MANBAL: variants seen among roughly 807,000 people sequenced by gnomAD.
The protein encoded by MANBAL is mannosidase beta like, also known as protein MANBAL.
A neutral mutation model predicts 6.4 loss-of-function variants in MANBAL; 1 was observed. The ratio of observed to expected loss-of-function variants is 0.16; its 90% CI spans 0.06 to 0.74. The LOEUF (loss-of-function observed/expected upper bound fraction) is 0.74. MANBAL is among the 30% of genes least tolerant of loss of function. The probability of loss-of-function intolerance (pLI) is 0.78; values close to 1 mark genes in which losing one functional copy is unlikely to be tolerated. For missense variants in MANBAL, 100 were observed against 107.8 expected (o/e 0.93, Z 0.32); for synonymous variants, 47 against 45.8 (o/e 1.03, Z -0.10).
At chr20:37,303,582 G>A (rs1292752449) in intron 2 of MANBAL, among the ~76,000 whole-genome samples, 1 of 152,150 alleles carries the variant, frequency 6.6e-6, no homozygotes, top group Non-Finnish European at 1.5e-5. Context: ...GAGGTCCCCA[G>A]GACCACCCCA....
intron 1 of MANBAL, among the ~76,000 whole-genome samples, chr20:37,299,483 T>TCAATTGA (rs2146799921): frequency 6.6e-6 from 1 of 152,372 alleles, no homozygotes; most frequent in South Asian, 2.1e-4. Context: ...CAATTCAAAC[T>TCAATTGA]AGCTGCGTTT....
intron 2 of MANBAL, among the ~76,000 whole-genome samples, chr20:37,306,693 A>G (rs1467196547): frequency 6.6e-6 from 1 of 152,192 alleles, no homozygotes; most frequent in Non-Finnish European, 1.5e-5. Flanking sequence ...TTAGCTGGTA[A>G]GTTTCATCTC....
intron 2 of MANBAL, among the ~76,000 whole-genome samples, chr20:37,314,948 G>C (rs1367409685): frequency 6.6e-6 from 1 of 152,238 alleles, no homozygotes; most frequent in African/African-American, 2.4e-5. Context: ...CCGGGGTTGG[G>C]AAATGAAACA....
chr20:37,291,334 C>G (rs1191875479), intron 1 of MANBAL, among the ~76,000 whole-genome samples: 1 of 152,156 alleles, frequency 6.6e-6, no homozygotes, highest in African/African-American at 2.4e-5. Context: ...TAACTCTAAT[C>G]TGTACTTTAT....
At chr20:37,299,682 TA>T (rs1161536336) in intron 1 of MANBAL, among the ~76,000 whole-genome samples, 3 of 151,976 alleles carry the variant, frequency 2.0e-5, no homozygotes, top group African/African-American at 4.8e-5. Flanking sequence ...GGTGCTGTGG[TA>T]AAGGGGGAGC....
At chr20:37,308,463 A>G (rs2069308922) in intron 2 of MANBAL, among the ~76,000 whole-genome samples, 1 of 152,202 alleles carries the variant, frequency 6.6e-6, no homozygotes, top group Non-Finnish European at 1.5e-5. Flanking sequence ...ACTGTGTTCC[A>G]GCTGCCGTCC....
At chr20:37,310,000 TC>T (rs1245357487) in intron 2 of MANBAL, among the ~76,000 whole-genome samples, 1 of 152,116 alleles carries the variant, frequency 6.6e-6, no homozygotes, top group Non-Finnish European at 1.5e-5. Context: ...TAAACATGCT[TC>T]CACCAGCCTG....
At chr20:37,305,121 A>G (rs960587512) in intron 2 of MANBAL, among the ~76,000 whole-genome samples, 6 of 152,208 alleles carry the variant, frequency 3.9e-5, no homozygotes, top group African/African-American at 1.2e-4. Flanking sequence ...GGAGATCACT[A>G]TTGGCGTTCT....
At chr20:37,292,095 G>A (rs1485116574) in intron 1 of MANBAL, among the ~76,000 whole-genome samples, 1 of 152,162 alleles carries the variant, frequency 6.6e-6, no homozygotes, top group Non-Finnish European at 1.5e-5. Flanking sequence ...GGCTTTTCCA[G>A]TGTAGAGTTA....
At chr20:37,309,148 A>C (rs188889376) in intron 2 of MANBAL, among the ~76,000 whole-genome samples, 2 of 151,800 alleles carry the variant, frequency 1.3e-5, no homozygotes, top group South Asian at 2.1e-4. Context: ...CCAGGGCTTC[A>C]TGTGTCTCTC....
chr20:37,295,480 T>C (rs896558869), intron 1 of MANBAL, among the ~76,000 whole-genome samples: 9 of 152,244 alleles, frequency 5.9e-5, no homozygotes, highest in African/African-American at 1.9e-4. Context: ...ATTTACCTAC[T>C]TAAATAAAGT....
At chr20:37,292,241 A>T (rs1205681273) in intron 1 of MANBAL, among the ~76,000 whole-genome samples, 1 of 152,180 alleles carries the variant, frequency 6.6e-6, no homozygotes, top group African/African-American at 2.4e-5. Context: ...TCTCTGTGGG[A>T]AATTTGTCTG....
At chr20:37,310,035 G>A (rs1441588105) in intron 2 of MANBAL, among the ~76,000 whole-genome samples, 2 of 152,188 alleles carry the variant, frequency 1.3e-5, no homozygotes, top group Non-Finnish European at 2.9e-5. Flanking sequence ...TGTACCGACC[G>A]GTTCTTGGGA....
At chr20:37,310,201 G>T (rs2069351404) in intron 2 of MANBAL, among the ~76,000 whole-genome samples, 1 of 152,208 alleles carries the variant, frequency 6.6e-6, no homozygotes, top group African/African-American at 2.4e-5. Flanking sequence ...GTCTCCGTTT[G>T]CCTTGTTGAG....
intron 2 of MANBAL, among the ~76,000 whole-genome samples, chr20:37,308,275 T>C (rs1205496131): frequency 6.6e-6 from 1 of 152,108 alleles, no homozygotes; most frequent in African/African-American, 2.4e-5. Context: ...GGGGGACTGC[T>C]AGGCAGACAA....
intron 1 of MANBAL, among the ~76,000 whole-genome samples, chr20:37,295,774 C>T (rs918009506): frequency 3.3e-5 from 5 of 152,236 alleles, no homozygotes; most frequent in African/African-American, 1.2e-4. Context: ...CTGTTCGCAA[C>T]ACCTGGCCGT....
chr20:37,304,723 T>C (rs1323674455), intron 2 of MANBAL, among the ~76,000 whole-genome samples: 1 of 152,126 alleles, frequency 6.6e-6, no homozygotes, highest in Non-Finnish European at 1.5e-5. Flanking sequence ...TGGAGAACTA[T>C]GGTGAAGGAA....
intron 1 of MANBAL, among the ~76,000 whole-genome samples, chr20:37,290,909 C>G (rs1430619537): frequency 6.6e-6 from 1 of 152,226 alleles, no homozygotes. Context: ...TGTGCCTGGC[C>G]TAAAACAGTA....
At chr20:37,301,043 C>T in intron 1 of MANBAL, 165 bp from the exon 2 acceptor site, 1 of 267,382 alleles carries the variant, frequency 3.7e-6, no homozygotes, top group Non-Finnish European at 6.8e-6. Flanking sequence ...CTCGGGAGGC[C>T]AAGGCAAGAG....
Sources: allele counts gnomAD v4.1 joint callset (sites outside exome capture counted in the v4.1 genomes callset), GRCh38; gene constraint gnomAD v4.1.1; transcripts MANE v1.5; gene names NCBI Gene and HGNC (gene_info 2026-07-23, HGNC 2026-07-21).